DLG2: variants seen among roughly 807,000 people sequenced by gnomAD.
DLG2 encodes the protein discs large MAGUK scaffold protein 2, also known as disks large homolog 2.
In DLG2, 45 loss-of-function variants were observed where a neutral mutation model predicts 132.5. The observed-to-expected ratio is 0.34, with a 90% CI of 0.27 to 0.44. The LOEUF (loss-of-function observed/expected upper bound fraction) is 0.44. Among genes scored for constraint, DLG2 ranks in the 20% least tolerant of loss-of-function variants. The pLI is 1.00. For synonymous variants in DLG2, 424 were observed against 419.6 expected (o/e 1.01, Z -0.13); for missense variants, 1,045 against 1,196.9 (o/e 0.87, Z 1.87).
At chr11:85,584,000 A>C (rs1411742220) in intron 3 of DLG2, among the ~76,000 whole-genome samples, 1 of 152,006 alleles carries the variant, frequency 6.6e-6, no homozygotes, top group Non-Finnish European at 1.5e-5. Context: ...ATTTTTTTCT[A>C]ATTTTAATTT....
intron 7 of DLG2, among the ~76,000 whole-genome samples, chr11:84,516,000 A>C (rs1464968522): frequency 1.3e-5 from 2 of 151,784 alleles, no homozygotes; most frequent in Non-Finnish European, 3.0e-5. Context: ...GAGTTAATTA[A>C]AAAATTAAAA....
At chr11:85,208,498 CT>C (rs1436676833) in intron 4 of DLG2, among the ~76,000 whole-genome samples, 2 of 151,856 alleles carry the variant, frequency 1.3e-5, no homozygotes, top group African/African-American at 4.8e-5. Flanking sequence ...TGACAAAGAC[CT>C]TCTATTGTAA....
intron 6 of DLG2, among the ~76,000 whole-genome samples, chr11:84,755,929 T>A (rs2066817530): frequency 6.6e-6 from 1 of 152,188 alleles, no homozygotes; most frequent in South Asian, 2.1e-4. Flanking sequence ...AATAAAAAAA[T>A]TAATTTTAAC....
At chr11:83,954,011 T>G (rs1168993985) in intron 14 of DLG2, among the ~76,000 whole-genome samples, 1 of 152,220 alleles carries the variant, frequency 6.6e-6, no homozygotes. Flanking sequence ...AAATTTTACA[T>G]GTATAGCAAC....
intron 18 of DLG2, among the ~76,000 whole-genome samples, chr11:83,730,146 GTTTT>G (rs541441004): frequency 9.0e-6 from 1 of 111,004 alleles, no homozygotes; most frequent in Non-Finnish European, 1.8e-5. Context: ...TTTTTTTATG[GTTTT>G]TTTTTTTTTT....
chr11:83,518,364 T>C (rs547258796), intron 21 of DLG2, among the ~76,000 whole-genome samples: 47 of 152,292 alleles, frequency 3.1e-4, no homozygotes, highest in South Asian at 1.0e-3. Flanking sequence ...GCTAAGACCA[T>C]TGGAAAAGCG....
At chr11:84,252,140 C>CTTTTTTT (rs1176873990) in intron 7 of DLG2, among the ~76,000 whole-genome samples, 294 of 65,368 alleles carry the variant, frequency 4.5e-3, no homozygotes, top group Middle Eastern at 0.012. Flanking sequence ...TTCTTTCTTT[C>CTTTTTTT]TTTTTTTTTT....
chr11:83,534,788 CAAAA>C (rs1015604312), intron 20 of DLG2, among the ~76,000 whole-genome samples: 3 of 151,960 alleles, frequency 2.0e-5, no homozygotes, highest in African/African-American at 7.3e-5. Context: ...AATACAAAAA[CAAAA>C]ATTAACCGGG....
chr11:84,093,192 G>A (rs1158615278), intron 10 of DLG2, among the ~76,000 whole-genome samples: 2 of 152,166 alleles, frequency 1.3e-5, no homozygotes, highest in Non-Finnish European at 2.9e-5. Flanking sequence ...TCACAAGGCT[G>A]TATCAAGATG....
intron 15 of DLG2, among the ~76,000 whole-genome samples, chr11:83,903,885 G>A (rs1263980884): frequency 1.3e-5 from 2 of 152,120 alleles, no homozygotes; most frequent in East Asian, 1.9e-4. Flanking sequence ...GAAACTGCAG[G>A]TGGTAATGGA....
At chr11:85,436,935 T>A (rs1245698151) in intron 3 of DLG2, among the ~76,000 whole-genome samples, 3 of 151,942 alleles carry the variant, frequency 2.0e-5, no homozygotes, top group Non-Finnish European at 4.4e-5. Flanking sequence ...ATAAAGAAAA[T>A]GTGGTACATA....
intron 4 of DLG2, among the ~76,000 whole-genome samples, chr11:85,233,622 A>G (rs942787360): frequency 3.1e-4 from 47 of 151,780 alleles, no homozygotes; most frequent in African/African-American, 1.0e-3. Flanking sequence ...TGTTGGCAAG[A>G]TAATGGGAAG....
intron 11 of DLG2, among the ~76,000 whole-genome samples, chr11:84,032,492 A>T (rs190925872): frequency 6.6e-6 from 1 of 152,328 alleles, no homozygotes; most frequent in Admixed American, 6.5e-5. Flanking sequence ...ACTGCAGAAG[A>T]GAAGTTTGAA....
chr11:85,481,702 C>T (rs969567423), intron 3 of DLG2, among the ~76,000 whole-genome samples: 1 of 152,106 alleles, frequency 6.6e-6, no homozygotes, highest in African/African-American at 2.4e-5. Flanking sequence ...TGTAGACTGC[C>T]CCCAGCATCA....
chr11:84,701,874 A>C (rs985413162), intron 6 of DLG2, among the ~76,000 whole-genome samples: 1 of 151,290 alleles, frequency 6.6e-6, no homozygotes, highest in Non-Finnish European at 1.5e-5. Flanking sequence ...TATTTCTCTA[A>C]AGGTTTTCTC....
At position 85,086,691 on chromosome 11, in the gene DLG2, T is replaced by C. The variant is rs2067974281; in HGVS notation, c.357+24970A>G. Among the ~76,000 whole-genome samples, 5 of 152,328 alleles carry C rather than the reference T, an allele frequency of 3.3e-5. 1 individual carries two copies. In the South Asian group the frequency reaches 1.0e-3, roughly 32 times the overall value. ...CTATAAGCCCTATGCATCTTCCTAG[T>C]ATGCATTACTATGTGCATACATACA... On this transcript the variant is annotated intron_variant, in intron 6 of 27. Coordinates refer to ENST00000376104, the MANE Select transcript of DLG2 (RefSeq NM_001142699.3).
chr11:84,336,101 A>G (rs933928934), intron 7 of DLG2, among the ~76,000 whole-genome samples: 1 of 152,194 alleles, frequency 6.6e-6, no homozygotes, highest in African/African-American at 2.4e-5. Context: ...GTATTTACCA[A>G]TAGGAACTTT....
chr11:85,381,189 A>T (rs1173818010), intron 3 of DLG2, among the ~76,000 whole-genome samples: 1 of 152,224 alleles, frequency 6.6e-6, no homozygotes, highest in Admixed American at 6.5e-5. Flanking sequence ...TGCCATGTAC[A>T]AATTTGAGCC....
chr11:83,750,866 CAG>C (rs2153735010), intron 18 of DLG2, among the ~76,000 whole-genome samples: 2 of 152,234 alleles, frequency 1.3e-5, no homozygotes, highest in African/African-American at 4.8e-5. Context: ...ATGGAGTAGA[CAG>C]AGTTAGTTTA....
Sources: allele counts gnomAD v4.1 joint callset (sites outside exome capture counted in the v4.1 genomes callset), GRCh38; gene constraint gnomAD v4.1.1; transcripts MANE v1.5; gene names NCBI Gene and HGNC (gene_info 2026-07-23, HGNC 2026-07-21).